TBX19: variants seen among roughly 807,000 people sequenced by gnomAD.
The protein encoded by TBX19 is T-box transcription factor 19.
Under a neutral mutation model 40.9 loss-of-function variants are expected in TBX19, and 33 were observed. The observed-to-expected ratio is 0.81, with a 90% confidence interval of 0.61 to 1.08. The LOEUF (loss-of-function observed/expected upper bound fraction) is 1.08. TBX19 is among the 50% of genes least tolerant of loss of function. The probability of loss-of-function intolerance (pLI) is 0.00; values close to 1 mark genes in which losing one functional copy is unlikely to be tolerated. For synonymous variants in TBX19, 220 were observed against 225.0 expected (o/e 0.98, Z 0.20); for missense variants, 494 against 574.0 (o/e 0.86, Z 1.42).
At position 168,283,346 on chromosome 1, in the gene TBX19, C is replaced by T. The variant is rs115318999; in HGVS notation, c.203+2053C>T. On this transcript the variant is annotated intron_variant, in intron 1 of 7. Coordinates refer to ENST00000367821, the MANE Select transcript of TBX19 (RefSeq NM_005149.3). ...TTTTTCTTAAATTCTCCTAAGCTCT[C>T]GGAGCCCTTTAGGGTCAAGATTTTG... Among the ~76,000 whole-genome samples, 126 of 152,226 alleles carry T rather than the reference C, an allele frequency of 8.3e-4. 1 individual carries two copies. The highest frequency in any genetic ancestry group is 2.9e-3 in the African/African-American group (120 of 41,530).
In TBX19 at chr1:168,281,298, GT is replaced by G; in HGVS notation, c.203+8del. 1 of 1,613,988 alleles carries G rather than the reference GT, an allele frequency of 6.2e-7. No homozygotes were observed. The highest frequency in any genetic ancestry group is 8.5e-7 in the Non-Finnish European group (1 of 1,179,860). ...GATTGTGACCAAGAATGGCAGGTGA[GT>G]TTATCTGCCGCCCCGCGTGGGCTGG... On this transcript the variant is annotated splice_donor_region_variant and intron_variant, in intron 1 of 7. Coordinates refer to ENST00000367821, the MANE Select transcript of TBX19 (RefSeq NM_005149.3).
At chr1:168,302,694 C>A (rs532940879) in intron 5 of TBX19, among the ~76,000 whole-genome samples, 2 of 150,712 alleles carry the variant, frequency 1.3e-5, no homozygotes, top group East Asian at 4.1e-4. Flanking sequence ...AACCCCAAAA[C>A]CAAAAAAAAA....
intron 1 of TBX19, among the ~76,000 whole-genome samples, chr1:168,283,192 A>G (rs1481051527): frequency 6.6e-6 from 1 of 152,244 alleles, no homozygotes; most frequent in East Asian, 1.9e-4. Context: ...GAAATCCTTC[A>G]TCTTTAACGT....
Position 168,298,831 on chromosome 1 carries a change from CTTTCTTTCTTTCTTT to C in TBX19, c.665+1047_665+1061del, listed in dbSNP as rs1649190838. ...CCTCCCTCCCTCCCTTCCTTTCTTTCTTTCTTTCTTTCTTTCTTTCTTTCTTTCTTTCTTTCTTTC... is the reference window on the plus strand; with the variant it reads ...CCTCCCTCCCTCCCTTCCTTTCTTTCCTTTCTTTCTTTCTTTCTTTCTTTC... On this transcript the variant is annotated intron_variant, in intron 4 of 7. Transcript: ENST00000367821. Among the ~76,000 whole-genome samples, 9 of 34,574 alleles carry C rather than the reference CTTTCTTTCTTTCTTT, an allele frequency of 2.6e-4. 2 individuals are homozygous for C. Among genetic ancestry groups the C allele is most frequent in the African/African-American group, 1.4e-3 (8 of 5,592 alleles). 22.7% of individuals were successfully genotyped at this position (34,574 alleles called of 152,430 possible).
Position 168,293,128 on chromosome 1 carries a change from T to C in TBX19, c.469-16T>C. 1 of 1,613,446 alleles carries C rather than the reference T, an allele frequency of 6.2e-7. No individual in the cohort carries two copies. The highest frequency in any genetic ancestry group is 8.5e-7 in the Non-Finnish European group (1 of 1,179,778). ...GGCTTTGCTTTTCTCCTCTTTCTCT[T>C]CTCCTGCCTCGACAGATAATGTTGA... On this transcript the variant is annotated splice_polypyrimidine_tract_variant and intron_variant, in intron 2 of 7. Coordinates refer to ENST00000367821, the MANE Select transcript of TBX19 (RefSeq NM_005149.3).
At chr1:168,293,004 C>T in intron 2 of TBX19, 140 bp from the exon 3 acceptor site, 10 of 1,364,822 alleles carry the variant, frequency 7.3e-6, no homozygotes, top group Non-Finnish European at 1.0e-5. Flanking sequence ...GGTGGCAGCT[C>T]AGGTGGCCTA....
intron 5 of TBX19, among the ~76,000 whole-genome samples, chr1:168,302,932 T>A (rs1020300986): frequency 1.3e-5 from 2 of 152,246 alleles, no homozygotes; most frequent in African/African-American, 4.8e-5. Context: ...GAGTTACATA[T>A]ACGTGTAATG....
Position 168,280,937 on chromosome 1 carries a change from T to C in TBX19, c.-154T>C. 3 of 730,082 alleles carry C rather than the reference T, an allele frequency of 4.1e-6. No individual in the cohort carries two copies. The highest frequency in any genetic ancestry group is 7.2e-6 in the Non-Finnish European group (3 of 415,300). 45.2% of individuals were successfully genotyped at this position (730,082 alleles called of 1,614,324 possible). A position where few individuals can be genotyped will look rare whatever the true frequency, so the allele number is the denominator to read the frequency against. On this transcript the variant is annotated 5_prime_UTR_variant, in exon 1 of 8. Transcript: ENST00000367821. Reference sequence around the variant, plus strand: ...GCATAATGTGGAGACTTTTAAGGGGTGTCATCCTAGGAGCTTAGGCAAGAG... The same window carrying C: ...GCATAATGTGGAGACTTTTAAGGGGCGTCATCCTAGGAGCTTAGGCAAGAG...
At chr1:168,303,296 G>GT (rs540183479) in intron 5 of TBX19, among the ~76,000 whole-genome samples, 1 of 152,050 alleles carries the variant, frequency 6.6e-6, no homozygotes, top group Non-Finnish European at 1.5e-5. Flanking sequence ...GCGGTGTTTG[G>GT]TTTTTTGTCC....
Position 168,309,680 on chromosome 1 carries a change from G to A in TBX19, c.1052+803G>A, listed in dbSNP as rs115016383. 5.2e-3 allele frequency among the ~76,000 whole-genome samples: 794 copies of A among 152,242 alleles called. 4 individuals carry two copies. The highest frequency in any genetic ancestry group is 8.0e-3 in the Non-Finnish European group (541 of 68,026). ...TCCTCACACTAGCAACCTGCATTAA[G>A]TTCTGACTTCTAGAAATCTGAGTGG... On this transcript the variant is annotated intron_variant, in intron 7 of 7. Coordinates refer to ENST00000367821, the MANE Select transcript of TBX19 (RefSeq NM_005149.3).
At chr1:168,301,557 G>A (rs1395123184) in intron 5 of TBX19, among the ~76,000 whole-genome samples, 2 of 152,080 alleles carry the variant, frequency 1.3e-5, no homozygotes, top group East Asian at 1.9e-4. Flanking sequence ...CATTGCCCCC[G>A]GCCGAAAAGC....
Position 168,305,058 on chromosome 1 carries a change from T to C in TBX19, c.778T>C (p.Ser260Pro). ...NPDGVCTAGN[S>P]NYQYAAPLPL... Reference sequence around the variant, plus strand: ...AGATGGAGTGTGCACAGCAGGAAACTCCAATTACCAGTATGCCGCTCCTCT... The same window carrying C: ...AGATGGAGTGTGCACAGCAGGAAACCCCAATTACCAGTATGCCGCTCCTCT... The change falls in exon 6 of 8, where the codon TCC becomes CCC. Residue 260 changes from serine (S) to proline (P), a missense_variant. Coordinates refer to ENST00000367821, the MANE Select transcript of TBX19 (RefSeq NM_005149.3). 6.2e-7 allele frequency: 1 copy of C among 1,614,146 alleles called. No individual in the cohort carries two copies. Among genetic ancestry groups the C allele is most frequent in the Non-Finnish European group, 8.5e-7 (1 of 1,180,036 alleles).
chr1:168,286,565 C>T (rs1344128824), intron 1 of TBX19, among the ~76,000 whole-genome samples: 1 of 152,232 alleles, frequency 6.6e-6, no homozygotes, highest in African/African-American at 2.4e-5. Flanking sequence ...ATCAGCACTT[C>T]ATCTTTTTTA....
intron 4 of TBX19, among the ~76,000 whole-genome samples, chr1:168,298,800 C>CCCT (rs1553289824): frequency 0.033 from 265 of 8,024 alleles, 33 homozygotes; most frequent in African/African-American, 0.12. Context: ...CTCCTCTCCT[C>CCCT]CCCTCCCTCC....
Position 168,281,230 on chromosome 1 carries a change from A to G in TBX19, c.140A>G (p.Asp47Gly), listed in dbSNP as rs1250904914. 1.3e-5 allele frequency: 21 copies of G among 1,614,044 alleles called. No homozygotes were observed. The highest frequency in any genetic ancestry group is 1.7e-5 in the Non-Finnish European group (20 of 1,180,030). The change falls in exon 1 of 8, where the codon GAT becomes GGT. Residue 47 changes from aspartate (D) to glycine (G), a missense_variant. Coordinates refer to ENST00000367821, the MANE Select transcript of TBX19 (RefSeq NM_005149.3). ...TEKQLQIILE[D>G]APLWQRFKEV... is the part of the protein sequence containing the mutation. ...AAGCAACTTCAGATCATCCTGGAGG[A>G]TGCACCTCTCTGGCAGAGATTCAAG... is the stretch of plus-strand genomic sequence containing the variant.
chr1:168,308,918 G>A (rs1649465827), intron 7 of TBX19, 41 bp downstream of exon 7: 1 of 1,613,870 alleles, frequency 6.2e-7, no homozygotes, highest in Admixed American at 1.7e-5. Flanking sequence ...GTCGTCTTGG[G>A]GGTTTACTTT....
chr1:168,298,112 C>G (rs554872536), intron 4 of TBX19, among the ~76,000 whole-genome samples: 1 of 152,134 alleles, frequency 6.6e-6, no homozygotes, highest in Non-Finnish European at 1.5e-5. Context: ...AGGAGAATGG[C>G]GTGAACCCGG....
chr1:168,287,877 A>G (rs886301734), intron 1 of TBX19, among the ~76,000 whole-genome samples: 2 of 151,210 alleles, frequency 1.3e-5, no homozygotes, highest in East Asian at 1.9e-4. Flanking sequence ...TGAGAAGCTA[A>G]TAAGAAAGGA....
chr1:168,286,299 T>A (rs542948787), intron 1 of TBX19, among the ~76,000 whole-genome samples: 6 of 152,218 alleles, frequency 3.9e-5, no homozygotes, highest in Non-Finnish European at 7.3e-5. Flanking sequence ...AGTTCAGTGG[T>A]TCTCAGTAAT....
Sources: allele counts gnomAD v4.1 joint callset (sites outside exome capture counted in the v4.1 genomes callset), GRCh38; gene constraint gnomAD v4.1.1; transcripts MANE v1.5; gene names NCBI Gene and HGNC (gene_info 2026-07-23, HGNC 2026-07-21).